Variants in EIF3M observed in about 807,000 individuals in gnomAD.
EIF3M encodes the protein eukaryotic translation initiation factor 3 subunit M.
EIF3M carries 25 observed loss-of-function variants against 49.7 expected under a neutral mutation model. The ratio of observed to expected loss-of-function variants is 0.50; its 90% CI spans 0.37 to 0.70. The LOEUF is 0.70. Among genes scored for constraint, EIF3M ranks in the 30% least tolerant of loss-of-function variants. The probability of loss-of-function intolerance (pLI) is 0.00; values close to 1 mark genes in which losing one functional copy is unlikely to be tolerated. For missense variants in EIF3M, 350 were observed against 440.0 expected, an observed-to-expected ratio of 0.80 and a Z score of 1.83; for synonymous variants, 156 against 149.8, an observed-to-expected ratio of 1.04 and a Z score of -0.30.
intron 3 of EIF3M, 91 bp from the exon 4 acceptor site, chr11:32,588,921 G>C (rs11031885): frequency 0.15 from 239,890 of 1,548,690 alleles, 20,833 homozygotes; most frequent in South Asian, 0.27. Context: ...GTTGTTAACG[G>C]TACCTGCCAC....
chr11:32,605,857 C>G lies in EIF3M; in HGVS notation c.*3458C>G, dbSNP rs1266393937. On this transcript the variant is annotated 3_prime_UTR_variant, in exon 11 of 11. Transcript: ENST00000531120. ...GTATCTTCGTTCTTTCGTCTCCTAT[C>G]CTTTTTAGAAATTTATCACCTGTTT... The G allele has an allele frequency of 6.6e-6, 1 of 152,190 alleles. No individual in the cohort carries two copies. Among genetic ancestry groups the G allele is most frequent in the Non-Finnish European group, 1.5e-5 (1 of 68,028 alleles). 9.4% of individuals were successfully genotyped at this position (152,190 alleles called of 1,614,324 possible). A position where few individuals can be genotyped will look rare whatever the true frequency, so the allele number is the denominator to read the frequency against.
chr11:32,597,701 G>A (rs1362487200), intron 8 of EIF3M, among the ~76,000 whole-genome samples: 4 of 152,172 alleles, frequency 2.6e-5, no homozygotes. Context: ...GGTTTTAAAT[G>A]TTGTAAACTA....
chr11:32,594,671 C>T, intron 6 of EIF3M: 1 of 334,926 alleles, frequency 3.0e-6, no homozygotes, highest in Non-Finnish European at 5.5e-6. Context: ...ATTTGATTAC[C>T]TTGGTGCTTT....
At chr11:32,593,396 G>A (rs1855130996) in intron 5 of EIF3M, among the ~76,000 whole-genome samples, 1 of 152,154 alleles carries the variant, frequency 6.6e-6, no homozygotes, top group South Asian at 2.1e-4. Context: ...CTCAACTTCA[G>A]CCATACTGTC....
chr11:32,590,691 T>G (rs986761385), intron 5 of EIF3M, among the ~76,000 whole-genome samples: 1 of 152,180 alleles, frequency 6.6e-6, no homozygotes, highest in Non-Finnish European at 1.5e-5. Flanking sequence ...AATCTAAATG[T>G]TGAGAGTTGG....
At chr11:32,595,231 TC>T (rs1302455923) in intron 7 of EIF3M, among the ~76,000 whole-genome samples, 1 of 151,788 alleles carries the variant, frequency 6.6e-6, no homozygotes, top group Non-Finnish European at 1.5e-5. Context: ...TTTCTTAATT[TC>T]TTTTTTTTTT....
chr11:32,601,508 A>T (rs868437245), intron 9 of EIF3M: 8,700 of 233,822 alleles, frequency 0.037, 91 homozygotes, highest in African/African-American at 0.064. Flanking sequence ...CTTTAAAAAA[A>T]AAAAAAAAAA....
At position 32,602,761 on chromosome 11, in the gene EIF3M, A is replaced by C. The variant is rs191644109; in HGVS notation, c.*362A>C. 7.8e-7 allele frequency: 1 copy of C among 1,285,080 alleles called. No individual in the cohort carries two copies. The highest frequency in any genetic ancestry group is 1.5e-5 in the African/African-American group (1 of 66,650). 79.6% of individuals were successfully genotyped at this position (1,285,080 alleles called of 1,614,324 possible). A position where few individuals can be genotyped will look rare whatever the true frequency, so the allele number is the denominator to read the frequency against. ...CAGTCATTTTATTCTAGTAAAAACT[A>C]TACCAGAATTTCAGTTACATAATTT... is the stretch of plus-strand genomic sequence containing the variant. On this transcript the variant is annotated 3_prime_UTR_variant, in exon 11 of 11. Coordinates refer to ENST00000531120, the MANE Select transcript of EIF3M (RefSeq NM_006360.6).
rs143882262 is a variant in EIF3M, at chr11:32,584,125, C to G, written c.42+196C>G. ...CCAGCTCGCCGGCCGGCGGTCCCAG[C>G]GCGGGGCCCGACGCTTCACCGCCAG... On this transcript the variant is annotated intron_variant, in intron 1 of 10. Transcript: ENST00000531120. 3,682 of 661,206 alleles carry G rather than the reference C, an allele frequency of 5.6e-3. 102 individuals carry two copies. In the African/African-American group the frequency reaches 0.057, roughly 10 times the overall value. The allele number at this position is 661,206 out of a possible 1,614,324, so 41.0% of individuals were successfully genotyped here.
At chr11:32,599,010 C>T (rs753032714) in intron 8 of EIF3M, among the ~76,000 whole-genome samples, 11 of 151,926 alleles carry the variant, frequency 7.2e-5, no homozygotes, top group Admixed American at 2.0e-4. Flanking sequence ...CAGAAAACAT[C>T]TTTATATTAA....
Position 32,588,834 on chromosome 11 carries a change from T to C in EIF3M, c.314+102T>C, listed in dbSNP as rs187882113. 34 of 1,570,948 alleles carry C rather than the reference T, an allele frequency of 2.2e-5. No homozygotes were observed. The Admixed American group carries it at 3.6e-4, about 16-fold the overall frequency. ...GGAATTCTGGAACTTGACTCTCAGC[T>C]GTGGCTCATATTAGCTGTGACCTTG... On this transcript the variant is annotated intron_variant, in intron 3 of 10. Coordinates refer to ENST00000531120, the MANE Select transcript of EIF3M (RefSeq NM_006360.6).
At chr11:32,588,214 C>T (rs1855030521) in intron 2 of EIF3M, among the ~76,000 whole-genome samples, 1 of 152,066 alleles carries the variant, frequency 6.6e-6, no homozygotes, top group African/African-American at 2.4e-5. Context: ...TATGGTGAAA[C>T]CCCGTCTCTA....
At chr11:32,592,712 C>A in intron 5 of EIF3M, 1 of 509,538 alleles carries the variant, frequency 2.0e-6, no homozygotes, top group East Asian at 5.4e-5. Flanking sequence ...TTTCAAAGCT[C>A]AGACCACCAA....
intron 8 of EIF3M, among the ~76,000 whole-genome samples, chr11:32,598,066 CCA>C (rs1855206685): frequency 6.6e-6 from 1 of 152,156 alleles, no homozygotes; most frequent in South Asian, 2.1e-4. Flanking sequence ...ACCCAGAAAA[CCA>C]CATTCTGTCC....
In EIF3M at chr11:32,588,388, GAAA is replaced by G. The variant is rs71463359; in HGVS notation, c.176-185_176-183del. Among the ~76,000 whole-genome samples the G allele has an allele frequency of 4.2e-3, 393 of 93,034 alleles. 2 individuals are homozygous for G. The highest frequency in any genetic ancestry group is 0.015 in the African/African-American group (368 of 25,062). 61.0% of individuals were successfully genotyped at this position (93,034 alleles called of 152,430 possible). ...TGGGCAAGAGAGCAAGACTTCATCTGAAAAAAAAAAAAAAAAAAAAAAAGAAAC... is the reference window on the plus strand; with the variant it reads ...TGGGCAAGAGAGCAAGACTTCATCTGAAAAAAAAAAAAAAAAAAAAGAAAC... On this transcript the variant is annotated intron_variant, in intron 2 of 10. Transcript: ENST00000531120.
At chr11:32,594,074 T>G in intron 6 of EIF3M, 125 bp downstream of exon 6, 1 of 536,402 alleles carries the variant, frequency 1.9e-6, no homozygotes, top group Admixed American at 4.0e-5. Context: ...ATAGTGTGTA[T>G]TTCCTGGTGA....
chr11:32,588,389 A>G (rs768148655), intron 2 of EIF3M, among the ~76,000 whole-genome samples: 6,287 of 61,768 alleles, frequency 0.1, 99 homozygotes, highest in African/African-American at 0.15. Flanking sequence ...ACTTCATCTG[A>G]AAAAAAAAAA....
In EIF3M at chr11:32,596,097, A is replaced by G. The variant is rs114918668; in HGVS notation, c.799+50A>G. 1,802 of 1,360,332 alleles carry G rather than the reference A, an allele frequency of 1.3e-3. 25 individuals are homozygous for G. The African/African-American group carries it at 0.025, about 19-fold the overall frequency. 84.3% of individuals were successfully genotyped at this position (1,360,332 alleles called of 1,614,324 possible). A position where few individuals can be genotyped will look rare whatever the true frequency, so the allele number is the denominator to read the frequency against. On this transcript the variant is annotated intron_variant, in intron 8 of 10. Coordinates refer to ENST00000531120, the MANE Select transcript of EIF3M (RefSeq NM_006360.6). ...AGGCACAGAGGTGGGAACATGATAC[A>G]CTAACAGTTATGTACTATGTGTTCC...
chr11:32,584,277 C>T, intron 1 of EIF3M: 1 of 318,586 alleles, frequency 3.1e-6, no homozygotes. Flanking sequence ...CTGTAGTTAG[C>T]ATAAGCAGGG....
Sources: allele counts gnomAD v4.1 joint callset (sites outside exome capture counted in the v4.1 genomes callset), GRCh38; gene constraint gnomAD v4.1.1; transcripts MANE v1.5; gene names NCBI Gene and HGNC (gene_info 2026-07-23, HGNC 2026-07-21).